ANO3: variants seen among roughly 807,000 people sequenced by gnomAD.
ANO3 encodes anoctamin-3.
A neutral mutation model predicts 144.8 loss-of-function variants in ANO3; 99 were observed. The ratio of observed to expected loss-of-function variants is 0.68; its 90% CI spans 0.58 to 0.81. The LOEUF is 0.81. Ranked by LOEUF, ANO3 falls within the 30% of genes least tolerant of loss-of-function variation. The pLI is 0.00. For synonymous variants in ANO3, 414 were observed against 392.6 expected, an observed-to-expected ratio of 1.05 and a Z score of -0.64; for missense variants, 905 against 1,202.2, an observed-to-expected ratio of 0.75 and a Z score of 3.66.
At chr11:26,603,785 A>T (rs948417428) in intron 17 of ANO3, among the ~76,000 whole-genome samples, 1 of 152,166 alleles carries the variant, frequency 6.6e-6, no homozygotes, top group Non-Finnish European at 1.5e-5. Flanking sequence ...AATTTTGCTT[A>T]TAGGGATTTG....
chr11:26,605,486 G>A (rs540751117), intron 17 of ANO3, among the ~76,000 whole-genome samples: 2 of 152,152 alleles, frequency 1.3e-5, no homozygotes, highest in African/African-American at 4.8e-5. Flanking sequence ...GTTTGGAATA[G>A]TTACAGAAGG....
intron 1 of ANO3, among the ~76,000 whole-genome samples, chr11:26,368,884 T>C (rs148166106): frequency 6.6e-6 from 1 of 152,222 alleles, no homozygotes; most frequent in Non-Finnish European, 1.5e-5. Context: ...TTTTAAAATA[T>C]AATGTTTATA....
intron 1 of ANO3, among the ~76,000 whole-genome samples, chr11:26,358,556 AT>A (rs148846388): frequency 0.19 from 28,500 of 151,446 alleles, 2,729 homozygotes; most frequent in Admixed American, 0.23. Flanking sequence ...GACCATCATA[AT>A]TTTTTTTTAC....
intron 4 of ANO3, among the ~76,000 whole-genome samples, chr11:26,467,167 G>C (rs957744763): frequency 2.6e-5 from 4 of 151,890 alleles, no homozygotes; most frequent in Admixed American, 6.6e-5. Context: ...TAATTTTTCT[G>C]GGTACAGAGT....
At chr11:26,194,439 G>GGT (rs1161631402) in intron 1 of ANO3, among the ~76,000 whole-genome samples, 1,053 of 60,546 alleles carry the variant, frequency 0.017, 36 homozygotes, top group East Asian at 0.13. Context: ...GGTACATAGT[G>GGT]GTGTGTGTGT....
intron 1 of ANO3, among the ~76,000 whole-genome samples, chr11:26,421,133 C>T (rs1412917167): frequency 1.3e-5 from 2 of 151,930 alleles, no homozygotes; most frequent in African/African-American, 2.4e-5. Flanking sequence ...ATTTTTTTCC[C>T]TATGATCAGG....
chr11:26,255,636 G>A (rs1853040529), intron 1 of ANO3, among the ~76,000 whole-genome samples: 5 of 152,250 alleles, frequency 3.3e-5, no homozygotes, highest in African/African-American at 1.2e-4. Context: ...GGGGGTTTTG[G>A]TCTCCTATGT....
chr11:26,203,096 G>T (rs1851729703), intron 1 of ANO3, among the ~76,000 whole-genome samples: 1 of 152,068 alleles, frequency 6.6e-6, no homozygotes, highest in African/African-American at 2.4e-5. Flanking sequence ...GCCACCAAGG[G>T]TGTCTAATTA....
chr11:26,642,379 G>C (rs1230703534), intron 22 of ANO3, among the ~76,000 whole-genome samples: 2 of 77,610 alleles, frequency 2.6e-5, no homozygotes, highest in East Asian at 8.6e-4. Context: ...ACAGTGTCTT[G>C]CTTGTTCTGT....
intron 14 of ANO3, chr11:26,565,274 A>G (rs1396766064): frequency 6.2e-7 from 1 of 1,602,714 alleles, no homozygotes; most frequent in East Asian, 2.2e-5. Context: ...TGAAGCTATC[A>G]CTGTTTGTGG....
At chr11:26,559,403 G>A (rs1387272465) in intron 13 of ANO3, 1 of 212,718 alleles carries the variant, frequency 4.7e-6, no homozygotes, top group African/African-American at 2.3e-5. Flanking sequence ...CTTTCATTAA[G>A]TAGTTTGACA....
At chr11:26,341,721 G>A (rs1855364781) in intron 1 of ANO3, among the ~76,000 whole-genome samples, 1 of 152,266 alleles carries the variant, frequency 6.6e-6, no homozygotes, top group East Asian at 1.9e-4. Flanking sequence ...GGATCAGTCC[G>A]AGTCCCAAAA....
intron 20 of ANO3, among the ~76,000 whole-genome samples, chr11:26,638,096 T>G (rs906872358): frequency 6.6e-6 from 1 of 152,198 alleles, no homozygotes; most frequent in Admixed American, 6.5e-5. Flanking sequence ...GGTGTTGCAT[T>G]TATCACTTAA....
intron 26 of ANO3, among the ~76,000 whole-genome samples, chr11:26,657,728 A>C (rs1447005057): frequency 1.3e-5 from 2 of 152,142 alleles, no homozygotes; most frequent in African/African-American, 4.8e-5. Flanking sequence ...AAATTACTTC[A>C]ATGGTATTGT....
chr11:26,412,659 A>G (rs188638301), intron 1 of ANO3, among the ~76,000 whole-genome samples: 20 of 152,152 alleles, frequency 1.3e-4, no homozygotes, highest in African/African-American at 4.8e-4. Context: ...CTTGACCTCA[A>G]GAGGCGGAGT....
chr11:26,531,837 CTACA>C (rs1385498032), intron 8 of ANO3, among the ~76,000 whole-genome samples: 3 of 152,038 alleles, frequency 2.0e-5, no homozygotes, highest in Non-Finnish European at 4.4e-5. Context: ...ATCTACCTAC[CTACA>C]TACATACCTG....
chr11:26,610,928 A>G (rs1852082110), intron 17 of ANO3, among the ~76,000 whole-genome samples: 1 of 151,974 alleles, frequency 6.6e-6, no homozygotes, highest in African/African-American at 2.4e-5. Context: ...TTGGTGTATA[A>G]TTGTTCATCA....
intron 6 of ANO3, among the ~76,000 whole-genome samples, chr11:26,519,607 T>A (rs1373501469): frequency 6.6e-6 from 1 of 152,118 alleles, no homozygotes; most frequent in Non-Finnish European, 1.5e-5. Context: ...CTCTTTTGGG[T>A]TGTATCCTCA....
intron 1 of ANO3, among the ~76,000 whole-genome samples, chr11:26,438,504 T>C (rs1431132958): frequency 7.0e-6 from 1 of 142,142 alleles, no homozygotes; most frequent in Non-Finnish European, 1.5e-5. Context: ...CCCAGCACTT[T>C]AGGAGGCTGA....
Sources: gnomAD v4.1 joint callset for allele counts (sites outside exome capture counted in the v4.1 genomes callset) on GRCh38, gnomAD v4.1.1 for gene constraint, MANE v1.5 for transcripts, NCBI Gene and HGNC (gene_info 2026-07-23, HGNC 2026-07-21) for gene names.